ZNF486: variants seen among roughly 807,000 people sequenced by gnomAD.
The protein encoded by ZNF486 is KRAB box only protein 2.
ZNF486 carries 12 observed loss-of-function variants against 12.8 expected under a neutral mutation model. The ratio of observed to expected loss-of-function variants is 0.94; its 90% confidence interval spans 0.60 to 1.52. The LOEUF (loss-of-function observed/expected upper bound fraction) is 1.52. Among genes scored for constraint, ZNF486 ranks in the 40% most tolerant of loss-of-function variants. The pLI, the probability that ZNF486 is intolerant of heterozygous loss-of-function variation, is 0.00. For missense variants in ZNF486, 738 were observed against 545.0 expected (o/e 1.35, Z -3.53); for synonymous variants, 231 against 184.9 (o/e 1.25, Z -2.02).
chr19:20,169,517 T>C (rs2089623685), intron 1 of ZNF486, among the ~76,000 whole-genome samples: 1 of 152,178 alleles, frequency 6.6e-6, no homozygotes, highest in Admixed American at 6.5e-5. Flanking sequence ...TGAGAGAAGC[T>C]ACGGAGCCCT....
Position 20,197,138 on chromosome 19 carries a change from A to G in ZNF486, c.428A>G (p.Asn143Ser). ...CACAAAAGAGGTTATAATGGACTTA[A>G]CCAATGTTTGACAACTACCCAGAGC... is the stretch of plus-strand genomic sequence containing the variant. ...KLHKRGYNGLNQCLTTTQSKI... is the reference protein window; with the variant it reads ...KLHKRGYNGLSQCLTTTQSKI... Residue 143 changes from asparagine to serine, a missense_variant, in exon 4 of 4, where the codon AAC becomes AGC. Transcript: ENST00000335117. The G allele has an allele frequency of 1.2e-6, 2 of 1,613,958 alleles. No homozygotes were observed. The highest frequency in any genetic ancestry group is 4.5e-5 in the East Asian group (2 of 44,858).
chr19:20,186,815 G>C (rs1252885376), intron 3 of ZNF486, among the ~76,000 whole-genome samples: 2 of 111,850 alleles, frequency 1.8e-5, no homozygotes, highest in Admixed American at 1.1e-4. Flanking sequence ...AAGGAGTCTT[G>C]CTCTGTTGCC....
At chr19:20,173,570 C>A (rs1424963539) in intron 1 of ZNF486, among the ~76,000 whole-genome samples, 3 of 152,226 alleles carry the variant, frequency 2.0e-5, no homozygotes, top group African/African-American at 7.2e-5. Context: ...GTGGCTCATG[C>A]CTGTAATCCC....
At chr19:20,168,053 C>T (rs1258892586) in intron 1 of ZNF486, among the ~76,000 whole-genome samples, 1 of 152,124 alleles carries the variant, frequency 6.6e-6, no homozygotes, top group Non-Finnish European at 1.5e-5. Context: ...AAAACAAAAA[C>T]TACGTTGGGG....
At chr19:20,168,166 C>T (rs1229962585) in intron 1 of ZNF486, among the ~76,000 whole-genome samples, 2 of 150,378 alleles carry the variant, frequency 1.3e-5, no homozygotes, top group Non-Finnish European at 2.9e-5. Flanking sequence ...TCTAGACCAT[C>T]CTGGCCAACA....
chr19:20,172,654 T>TC (rs2089661654), intron 1 of ZNF486, among the ~76,000 whole-genome samples: 1 of 145,568 alleles, frequency 6.9e-6, no homozygotes, highest in African/African-American at 2.5e-5. Flanking sequence ...TTTAAGTTCT[T>TC]TTTTTTTTTT....
intron 1 of ZNF486, 89 bp from the exon 2 acceptor site, chr19:20,184,267 T>A: frequency 6.4e-7 from 1 of 1,566,116 alleles, no homozygotes; most frequent in Non-Finnish European, 8.7e-7. Context: ...TAAGTAAGAA[T>A]CAGTTCTCTT....
chr19:20,185,976 T>C lies in ZNF486; in HGVS notation c.158-11T>C. 6.6e-7 allele frequency: 1 copy of C among 1,514,530 alleles called. No individual in the cohort carries two copies. The highest frequency in any genetic ancestry group is 1.4e-5 in the African/African-American group (1 of 70,862). The allele number at this position is 1,514,530 out of a possible 1,614,324, so 93.8% of individuals were successfully genotyped here. A position where few individuals can be genotyped will look rare whatever the true frequency, so the allele number is the denominator to read the frequency against. On this transcript the variant is annotated splice_polypyrimidine_tract_variant and intron_variant, in intron 2 of 3. Coordinates refer to ENST00000335117, the MANE Select transcript of ZNF486 (RefSeq NM_052852.4). Reference sequence around the variant, plus strand: ...AAGCAAGATTAATGCTATTTATTTTTAATGAAACAGGTATTATTGTCTCTA... The same window carrying C: ...AAGCAAGATTAATGCTATTTATTTTCAATGAAACAGGTATTATTGTCTCTA...
intron 3 of ZNF486, among the ~76,000 whole-genome samples, chr19:20,192,161 C>T (rs537229065): frequency 9.2e-5 from 14 of 152,224 alleles, no homozygotes; most frequent in Admixed American, 2.0e-4. Context: ...ATTGTGGTTA[C>T]TATTTTTATG....
chr19:20,170,909 A>G (rs551495025), intron 1 of ZNF486, among the ~76,000 whole-genome samples: 23 of 152,270 alleles, frequency 1.5e-4, no homozygotes, highest in Non-Finnish European at 2.9e-4. Context: ...TGTTTTGTTC[A>G]GTTCTGTGAA....
At position 20,167,324 on chromosome 19, in the gene ZNF486, A is replaced by T. The variant is rs1281615395; in HGVS notation, c.-7A>T. On this transcript the variant is annotated 5_prime_UTR_variant, in exon 1 of 4. Coordinates refer to ENST00000335117, the MANE Select transcript of ZNF486 (RefSeq NM_052852.4). ...GTCCTGTAGGTATTGGGAGATCCAC[A>T]GCCAAGATGCCGGGACCCCTTAGAA... 2 of 1,613,970 alleles carry T rather than the reference A, an allele frequency of 1.2e-6. No homozygotes were observed. The highest frequency in any genetic ancestry group is 4.5e-5 in the East Asian group (2 of 44,888).
chr19:20,175,476 C>CGGCCT (rs1281529828), intron 1 of ZNF486: 2 of 153,826 alleles, frequency 1.3e-5, no homozygotes, highest in African/African-American at 4.9e-5. Flanking sequence ...GAGGACCCTG[C>CGGCCT]GGCCTTCCGC....
At chr19:20,196,337 A>T (rs78821860) in intron 3 of ZNF486, among the ~76,000 whole-genome samples, 55 of 151,694 alleles carry the variant, frequency 3.6e-4, no homozygotes, top group Non-Finnish European at 4.6e-4. Flanking sequence ...TTAAAAAAAA[A>T]TTTTTTTTTG....
chr19:20,173,553 A>T (rs2089672923), intron 1 of ZNF486, among the ~76,000 whole-genome samples: 1 of 152,118 alleles, frequency 6.6e-6, no homozygotes, highest in Non-Finnish European at 1.5e-5. Flanking sequence ...AAAAAAGGCC[A>T]GGTGTGGTGG....
intron 2 of ZNF486, 104 bp downstream of exon 2, chr19:20,184,586 A>G (rs2089822060): frequency 8.0e-7 from 1 of 1,250,892 alleles, no homozygotes; most frequent in Admixed American, 2.7e-5. Context: ...AAAGAGTTCC[A>G]GATGTCCTTT....
At chr19:20,184,593 C>T in intron 2 of ZNF486, 111 bp downstream of exon 2, 1 of 1,183,402 alleles carries the variant, frequency 8.5e-7, no homozygotes, top group Non-Finnish European at 1.1e-6. Context: ...TCCAGATGTC[C>T]TTTTTCCAGA....
intron 1 of ZNF486, among the ~76,000 whole-genome samples, chr19:20,178,619 C>T (rs376096720): frequency 9.2e-5 from 14 of 152,180 alleles, no homozygotes; most frequent in Non-Finnish European, 1.2e-4. Context: ...CATAAGGTGC[C>T]AACCAGAATT....
Position 20,197,076 on chromosome 19 carries a change from TA to T in ZNF486, c.372del (p.Gly125AlafsTer22), listed in dbSNP as rs782415249. ...EKCGHGNLHF[K>X]KGCESVDECK... ...AATGTGGACATGGCAATTTACACTT[TA>T]AAAAAGGCTGTGAAAGTGTGGATGA... On this transcript the variant is annotated frameshift_variant, in exon 4 of 4. Coordinates refer to ENST00000335117, the MANE Select transcript of ZNF486 (RefSeq NM_052852.4). LOFTEE classifies it low-confidence loss of function (END_TRUNC). 1 of 1,611,982 alleles carries T rather than the reference TA, an allele frequency of 6.2e-7. No individual in the cohort carries two copies. Among genetic ancestry groups the T allele is most frequent in the Admixed American group, 1.7e-5 (1 of 59,412 alleles).
chr19:20,190,932 G>T (rs1432569809), intron 3 of ZNF486, among the ~76,000 whole-genome samples: 2 of 152,144 alleles, frequency 1.3e-5, no homozygotes, highest in Non-Finnish European at 2.9e-5. Flanking sequence ...CTCATGAACG[G>T]CATGGTACAT....
Sources: allele counts gnomAD v4.1 joint callset (sites outside exome capture counted in the v4.1 genomes callset), GRCh38; gene constraint gnomAD v4.1.1; transcripts MANE v1.5; gene names NCBI Gene and HGNC (gene_info 2026-07-23, HGNC 2026-07-21).